TEX11: variants seen among roughly 807,000 people sequenced by gnomAD.
TEX11 encodes the protein testis-expressed protein 11.
A neutral mutation model predicts 84.4 loss-of-function variants in TEX11; 7 were observed. The observed-to-expected ratio is 0.08, with a 90% CI of 0.05 to 0.16. TEX11 has a LOEUF of 0.16. Ranked by LOEUF, TEX11 falls within the 10% of genes least tolerant of loss-of-function variation. The pLI is 1.00. For missense variants in TEX11, 551 were observed against 660.5 expected (o/e 0.83, Z 1.82); for synonymous variants, 264 against 222.8 (o/e 1.18, Z -1.64).
At chrX:70,835,037 T>C (rs1389480942) in intron 7 of TEX11, among the ~76,000 whole-genome samples, 1 of 110,970 alleles carries the variant, frequency 9.0e-6, no homozygotes, top group Non-Finnish European at 1.9e-5. Flanking sequence ...TAATACTAGA[T>C]ATTATTAAAG....
intron 4 of TEX11, among the ~76,000 whole-genome samples, chrX:70,861,448 GATTTATTT>G (rs67849004): frequency 0.13 from 13,372 of 105,174 alleles, 800 homozygotes; most frequent in Middle Eastern, 0.29. Context: ...TTCAGTAAGA[GATTTATTT>G]ATTTATTTAT....
At chrX:70,662,167 T>C (rs2089935458) in intron 16 of TEX11, among the ~76,000 whole-genome samples, 1 of 111,614 alleles carries the variant, frequency 9.0e-6, no homozygotes, top group South Asian at 3.8e-4. Context: ...GAGAAGTCCT[T>C]CAAGGACCTG....
At chrX:70,553,461 A>G in intron 26 of TEX11, 47 bp from the exon 27 acceptor site, 1 of 923,779 alleles carries the variant, frequency 1.1e-6, no homozygotes, top group Middle Eastern at 2.8e-4. Flanking sequence ...AATGTCACCC[A>G]TCACAGTTTT....
intron 13 of TEX11, among the ~76,000 whole-genome samples, chrX:70,689,091 T>C (rs1458042758): frequency 9.1e-6 from 1 of 110,332 alleles, no homozygotes; most frequent in African/African-American, 3.3e-5. Context: ...AATTAAAAAA[T>C]TAAGTAAATG....
chrX:70,525,288 T>C (rs1232641462), downstream of TEX11, among the ~76,000 whole-genome samples: 2 of 111,309 alleles, frequency 1.8e-5, no homozygotes, highest in African/African-American at 6.5e-5. Flanking sequence ...CAAATATTTA[T>C]TGGAAGTACC....
chrX:70,624,844 A>G lies in TEX11; in HGVS notation c.1689T>C (p.Ala563=). The change falls in exon 19 of 30, where the codon GCT becomes GCC. Residue 563 remains alanine (A), a synonymous_variant. Coordinates refer to ENST00000374333, the MANE Select transcript of TEX11 (RefSeq NM_031276.3). Reference sequence around the variant, plus strand: ...ACAGGATGTAGGTTACTTACTTTACAGCTGTAAGAACTTGTTCCTGGTCTT... The same window carrying G: ...ACAGGATGTAGGTTACTTACTTTACGGCTGTAAGAACTTGTTCCTGGTCTT... ...HSEDQEQVLT[A]VKCLLRFLLP... 8.3e-7 allele frequency: 1 copy of G among 1,201,262 alleles called. No homozygotes were observed. The highest frequency in any genetic ancestry group is 1.1e-6 in the Non-Finnish European group (1 of 887,751).
intron 9 of TEX11, among the ~76,000 whole-genome samples, chrX:70,756,319 G>A (rs1448286120): frequency 8.9e-6 from 1 of 112,147 alleles, no homozygotes; most frequent in Non-Finnish European, 1.9e-5. Context: ...CCTCAAGTGG[G>A]TCCCAGATCC....
At chrX:70,815,575 T>C (rs1224930180) in intron 8 of TEX11, among the ~76,000 whole-genome samples, 3 of 112,009 alleles carry the variant, frequency 2.7e-5, no homozygotes, top group African/African-American at 6.5e-5. Flanking sequence ...GTAGTATTCA[T>C]TTCTTACAGT....
At chrX:70,775,766 C>G (rs778454888) in intron 9 of TEX11, among the ~76,000 whole-genome samples, 17 of 83,175 alleles carry the variant, frequency 2.0e-4, no homozygotes. Flanking sequence ...CGCCACTGCA[C>G]TGCAACCTGG....
At chrX:70,573,052 G>A (rs187335616) in intron 25 of TEX11, among the ~76,000 whole-genome samples, 136 of 111,383 alleles carry the variant, frequency 1.2e-3, no homozygotes, top group African/African-American at 4.1e-3. Context: ...CTTTCTAAAA[G>A]CAAACCATAA....
chrX:70,856,913 CA>C (rs949820000), intron 5 of TEX11, among the ~76,000 whole-genome samples: 7 of 110,372 alleles, frequency 6.3e-5, no homozygotes, highest in Non-Finnish European at 1.3e-4. Flanking sequence ...TAACAAAATA[CA>C]AAGTATGGAT....
intron 7 of TEX11, among the ~76,000 whole-genome samples, chrX:70,837,009 T>C (rs2091409349): frequency 9.0e-6 from 1 of 111,018 alleles, no homozygotes; most frequent in Non-Finnish European, 1.9e-5. Context: ...AGAGTGAGAC[T>C]CTGTCTCAAA....
At chrX:70,750,853 A>C in intron 9 of TEX11, among the ~76,000 whole-genome samples, 1 of 91,041 alleles carries the variant, frequency 1.1e-5, no homozygotes. Context: ...GCGCACCAGC[A>C]TGGCACATGT....
At chrX:70,863,609 C>A (rs1354927104) in intron 4 of TEX11, among the ~76,000 whole-genome samples, 1 of 111,808 alleles carries the variant, frequency 8.9e-6, no homozygotes, top group African/African-American at 3.3e-5. Context: ...GATAAATCCA[C>A]GAAGATGAGG....
chrX:70,570,975 C>T (rs1340698544), intron 25 of TEX11, among the ~76,000 whole-genome samples: 1 of 110,860 alleles, frequency 9.0e-6, no homozygotes, highest in Non-Finnish European at 1.9e-5. Context: ...ATTAATCTTT[C>T]CAAACAAGCA....
chrX:70,607,979 A>G (rs762881171), intron 22 of TEX11, among the ~76,000 whole-genome samples: 10 of 112,529 alleles, frequency 8.9e-5, no homozygotes, highest in African/African-American at 3.2e-4. Context: ...ATTAAACCTC[A>G]TAACACAGGG....
chrX:70,836,180 A>C (rs370195925), intron 7 of TEX11, among the ~76,000 whole-genome samples: 4 of 111,039 alleles, frequency 3.6e-5, no homozygotes, highest in East Asian at 5.6e-4. Context: ...AATTTAATCC[A>C]ATTCCATTAA....
intron 9 of TEX11, among the ~76,000 whole-genome samples, chrX:70,787,301 T>C (rs781312395): frequency 1.5e-3 from 173 of 111,806 alleles, no homozygotes; most frequent in African/African-American, 5.5e-3. Context: ...TACTCTAAGA[T>C]CTAGAACAAG....
At chrX:70,786,478 T>C (rs1319127399) in intron 9 of TEX11, among the ~76,000 whole-genome samples, 1 of 110,800 alleles carries the variant, frequency 9.0e-6, no homozygotes, top group Non-Finnish European at 1.9e-5. Flanking sequence ...TATAATAAAA[T>C]AAATAGATAA....
Sources: gnomAD v4.1 joint callset for allele counts (sites outside exome capture counted in the v4.1 genomes callset) on GRCh38, gnomAD v4.1.1 for gene constraint, MANE v1.5 for transcripts, NCBI Gene and HGNC (gene_info 2026-07-23, HGNC 2026-07-21) for gene names.